The following PCDHGB2 variants were observed in gnomAD, a reference collection of about 807,000 sequenced individuals.
PCDHGB2 encodes the protein protocadherin gamma subfamily B, 2, also known as protocadherin gamma-B2.
In PCDHGB2, 55 loss-of-function variants were observed where a neutral mutation model predicts 59.3. The ratio of observed to expected loss-of-function variants is 0.93; its 90% CI spans 0.75 to 1.16. PCDHGB2 has a LOEUF of 1.16. Ranked by LOEUF, PCDHGB2 falls within the 50% of genes most tolerant of loss-of-function variation. The pLI is 0.00. For synonymous variants in PCDHGB2, 516 were observed against 512.0 expected (o/e 1.01, Z -0.11); for missense variants, 1,228 against 1,198.5 (o/e 1.02, Z -0.36).
Position 141,487,858 on chromosome 5 carries a change from G to C in PCDHGB2, c.2422-6949G>C, listed in dbSNP as rs575288726. Reference sequence around the variant, plus strand: ...ATCTGAGTAAGAAATGAAAGTAATTGGTGATCAAGAGCCAGGCTGTTGTGG... The same window carrying C: ...ATCTGAGTAAGAAATGAAAGTAATTCGTGATCAAGAGCCAGGCTGTTGTGG... On this transcript the variant is annotated intron_variant, in intron 1 of 3. Transcript: ENST00000522605. The surrounding 1 kb of genome is among the most constrained non-coding windows in gnomAD (Gnocchi z 5.0). The C allele has an allele frequency of 3.8e-5, 36 of 953,250 alleles. No individual in the cohort carries two copies. The Middle Eastern group carries it at 1.3e-3, about 35-fold the overall frequency. 59.0% of individuals were successfully genotyped at this position (953,250 alleles called of 1,614,324 possible). A position where few individuals can be genotyped will look rare whatever the true frequency, so the allele number is the denominator to read the frequency against.
At chr5:141,418,935 A>T (rs1424307952) in intron 1 of PCDHGB2, 2 of 1,613,834 alleles carry the variant, frequency 1.2e-6, no homozygotes, top group Admixed American at 3.3e-5. Context: ...ATTATGGAGG[A>T]TTCCCCTCCA....
At position 141,455,301 on chromosome 5, in the gene PCDHGB2, T is replaced by G. The variant is rs192443408; in HGVS notation, c.2422-39506T>G. Among the ~76,000 whole-genome samples, 191 of 152,308 alleles carry G rather than the reference T, an allele frequency of 1.3e-3. 1 individual carries two copies. Among genetic ancestry groups the G allele is most frequent in the African/African-American group, 4.4e-3 (181 of 41,566 alleles). On this transcript the variant is annotated intron_variant, in intron 1 of 3. Transcript: ENST00000522605. ...AACATCACTTTACATAGTTTCATCT[T>G]GCATTAGCAATTTTGTGTGTGTGTT...
intron 1 of PCDHGB2, among the ~76,000 whole-genome samples, chr5:141,469,102 A>G (rs1423904196): frequency 6.6e-6 from 1 of 151,626 alleles, no homozygotes; most frequent in East Asian, 1.9e-4. Flanking sequence ...CAAAGCAAGA[A>G]CCTGTCTCTA....
intron 1 of PCDHGB2, chr5:141,365,543 T>C: frequency 6.2e-7 from 1 of 1,613,830 alleles, no homozygotes. Context: ...CTATCACCTA[T>C]TAACAACTAG....
rs766516627 is a variant in PCDHGB2 at position 141,398,178 on chromosome 5, C to G, written c.2421+35622C>G. The G allele has an allele frequency of 8.2e-6, 12 of 1,472,146 alleles. No individual in the cohort carries two copies. The South Asian group carries it at 8.4e-5, about 10-fold the overall frequency. The allele number at this position is 1,472,146 out of a possible 1,614,324, so 91.2% of individuals were successfully genotyped here. A position where few individuals can be genotyped will look rare whatever the true frequency, so the allele number is the denominator to read the frequency against. ...GCCGGGCTGAGAGGCTGCCAGTGCT[C>G]TTTCTCTTCCTGCTGTCTTTGTTCT... On this transcript the variant is annotated intron_variant, in intron 1 of 3. Coordinates refer to ENST00000522605, the MANE Select transcript of PCDHGB2 (RefSeq NM_018923.3).
intron 2 of PCDHGB2, among the ~76,000 whole-genome samples, chr5:141,500,705 T>A (rs1169100560): frequency 6.6e-6 from 1 of 152,220 alleles, no homozygotes; most frequent in Non-Finnish European, 1.5e-5. Context: ...TTGCAGTGTA[T>A]CATGAGAATT....
At chr5:141,397,381 T>G (rs966351267) in intron 1 of PCDHGB2, among the ~76,000 whole-genome samples, 1 of 152,228 alleles carries the variant, frequency 6.6e-6, no homozygotes, top group Non-Finnish European at 1.5e-5. Flanking sequence ...GGGATTGGTA[T>G]AAAATTGCCA....
chr5:141,423,447 T>C (rs1347619382), intron 1 of PCDHGB2: 1 of 1,613,880 alleles, frequency 6.2e-7, no homozygotes, highest in Admixed American at 1.7e-5. Context: ...CCACGTCACA[T>C]TTTGTAGGCG....
At chr5:141,403,116 A>G (rs1313523426) in intron 1 of PCDHGB2, 6 of 1,614,042 alleles carry the variant, frequency 3.7e-6, no homozygotes, top group Non-Finnish European at 5.1e-6. Flanking sequence ...CTGGCTCTGG[A>G]GCCCCGGGAG....
Position 141,360,609 on chromosome 5 carries a change from G to C in PCDHGB2, c.474G>C (p.Leu158=). The C allele has an allele frequency of 6.2e-7, 1 of 1,613,936 alleles. No homozygotes were observed. The highest frequency in any genetic ancestry group is 8.5e-7 in the Non-Finnish European group (1 of 1,179,880). The change falls in exon 1 of 4, where the codon CTG becomes CTC. Residue 158 remains leucine (L), a synonymous_variant. Transcript: ENST00000522605. ...CAACATTTCCACTTGACCCAGCCCT[G>C]GATTCAGATGTTGGTCCTAACTCAC... The part of the protein sequence containing the change: ...PGTTFPLDPA[L]DSDVGPNSLQ...
Position 141,486,142 on chromosome 5 carries a change from C to T in PCDHGB2, c.2422-8665C>T. 6.2e-7 allele frequency: 1 copy of T among 1,614,200 alleles called. No homozygotes were observed. The highest frequency in any genetic ancestry group is 1.3e-5 in the African/African-American group (1 of 75,052). ...ACTATGAATTTGATGTGCGGGCTCG[C>T]GATGGGGGTTCTCCAGCCATGGAGC... On this transcript the variant is annotated intron_variant, in intron 1 of 3. Coordinates refer to ENST00000522605, the MANE Select transcript of PCDHGB2 (RefSeq NM_018923.3). This position sits in a 1 kb window ranked among gnomAD's most constrained non-coding sequence, Gnocchi z 5.0.
chr5:141,498,103 G>C (rs2099781622), intron 2 of PCDHGB2, among the ~76,000 whole-genome samples: 1 of 152,216 alleles, frequency 6.6e-6, no homozygotes. Context: ...GGTGGTGTGG[G>C]CGTATAATAG....
rs752660585 is a variant in PCDHGB2 at position 141,400,337 on chromosome 5, C to A, written c.2421+37781C>A. The A allele has an allele frequency of 6.6e-5, 106 of 1,613,962 alleles. No homozygotes were observed. The Admixed American group carries it at 1.7e-3, about 26-fold the overall frequency. ...GTCAAGTCTGGACCTGTGGTTCCCC[C>A]CAACTACAGTCAGGGGACTTTGCCT... On this transcript the variant is annotated intron_variant, in intron 1 of 3. Transcript: ENST00000522605.
At chr5:141,406,777 C>G (rs1235306644) in intron 1 of PCDHGB2, among the ~76,000 whole-genome samples, 1 of 152,150 alleles carries the variant, frequency 6.6e-6, no homozygotes, top group Non-Finnish European at 1.5e-5. Flanking sequence ...ATTTCTCTCA[C>G]TTATATATTA....
At chr5:141,375,760 G>A (rs779640846) in intron 1 of PCDHGB2, 3 of 1,614,236 alleles carry the variant, frequency 1.9e-6, no homozygotes, top group African/African-American at 2.7e-5. Context: ...ATGACAATGC[G>A]CCCGAGATCC....
At chr5:141,399,742 A>G in intron 1 of PCDHGB2, 14 of 1,613,320 alleles carry the variant, frequency 8.7e-6, no homozygotes, top group Non-Finnish European at 1.2e-5. Flanking sequence ...GCCTGCGCTC[A>G]GCGCAAACGT....
intron 1 of PCDHGB2, among the ~76,000 whole-genome samples, chr5:141,424,964 A>G (rs62378457): frequency 0.11 from 16,148 of 152,126 alleles, 960 homozygotes; most frequent in African/African-American, 0.17. Flanking sequence ...ATTTGCCCCA[A>G]ATTACTTGGA....
chr5:141,412,285 C>T (rs957716949), intron 1 of PCDHGB2: 3 of 152,194 alleles, frequency 2.0e-5, no homozygotes, highest in Non-Finnish European at 4.4e-5. Context: ...TCAAATTCTA[C>T]GTATTTCTTT....
At chr5:141,467,273 G>T (rs879618653) in intron 1 of PCDHGB2, among the ~76,000 whole-genome samples, 1 of 151,828 alleles carries the variant, frequency 6.6e-6, no homozygotes, top group Admixed American at 6.6e-5. Context: ...GGCTGGTCTC[G>T]AACTCTTGAC....
Sources: gnomAD v4.1 joint callset for allele counts (sites outside exome capture counted in the v4.1 genomes callset) on GRCh38, gnomAD v4.1.1 for gene constraint, Gnocchi (gnomAD v3.1) non-coding constraint, MANE v1.5 for transcripts, NCBI Gene and HGNC (gene_info 2026-07-23, HGNC 2026-07-21) for gene names.